PIEZO2: variants seen among roughly 807,000 people sequenced by gnomAD.
PIEZO2 encodes piezo type mechanosensitive ion channel component 2.
In PIEZO2, 172 loss-of-function variants were observed where a neutral mutation model predicts 337.3. The observed-to-expected ratio is 0.51, with a 90% CI of 0.45 to 0.58. The LOEUF is 0.58. Among genes scored for constraint, PIEZO2 ranks in the 20% least tolerant of loss-of-function variants. PIEZO2 has a pLI of 0.00. For missense variants in PIEZO2, 3,028 were observed against 3,391.3 expected (o/e 0.89, Z 2.66); for synonymous variants, 1,251 against 1,228.5 (o/e 1.02, Z -0.38).
rs1281336118 is a variant in PIEZO2, at chr18:10,982,855, G to C, written c.161-3195C>G. Among the ~76,000 whole-genome samples the C allele has an allele frequency of 6.6e-6, 1 of 151,986 alleles. No individual in the cohort carries two copies. Among genetic ancestry groups the C allele is most frequent in the Non-Finnish European group, 1.5e-5 (1 of 68,014 alleles). ...TGTGCCTCAGCCTTCTGAGTAGCTG[G>C]CATTACAGGCGTGCACTACCAAACC... On this transcript the variant is annotated intron_variant, in intron 2 of 55. Transcript: ENST00000674853. The surrounding 1 kb of genome is among the most constrained non-coding windows in gnomAD (Gnocchi z 4.1).
intron 3 of PIEZO2, among the ~76,000 whole-genome samples, chr18:10,920,436 A>G (rs572797561): frequency 6.6e-6 from 1 of 152,294 alleles, no homozygotes; most frequent in South Asian, 2.1e-4. Context: ...AATAGCCTAA[A>G]TATGCAGTAA....
chr18:11,019,124 C>T (rs918714654), intron 2 of PIEZO2, among the ~76,000 whole-genome samples: 1 of 152,302 alleles, frequency 6.6e-6, no homozygotes, highest in Middle Eastern at 3.4e-3. Flanking sequence ...ACTGATGTCT[C>T]CATTGACGTA....
At chr18:11,085,322 T>A (rs2146005924) in intron 1 of PIEZO2, among the ~76,000 whole-genome samples, 1 of 152,194 alleles carries the variant, frequency 6.6e-6, no homozygotes, top group Non-Finnish European at 1.5e-5. Context: ...GGACAACCCA[T>A]CTCTCACGCA....
intron 7 of PIEZO2, among the ~76,000 whole-genome samples, chr18:10,844,631 T>C (rs953136779): frequency 2.0e-5 from 3 of 150,768 alleles, no homozygotes; most frequent in African/African-American, 4.9e-5. Context: ...TACTAAAAAA[T>C]ACAAAAAAAT....
intron 2 of PIEZO2, among the ~76,000 whole-genome samples, chr18:11,055,067 T>C (rs751034407): frequency 6.6e-5 from 10 of 151,810 alleles, no homozygotes; most frequent in South Asian, 4.2e-4. Context: ...AAAAATTAGC[T>C]GGGCGCGGTG....
intron 2 of PIEZO2, among the ~76,000 whole-genome samples, chr18:10,987,654 A>G (rs2034930683): frequency 6.6e-6 from 1 of 152,180 alleles, no homozygotes; most frequent in Admixed American, 6.5e-5. Flanking sequence ...CTTTTTGGTT[A>G]TAACACCAAA....
At chr18:10,770,839 T>A (rs1317519815) in intron 20 of PIEZO2, among the ~76,000 whole-genome samples, 2 of 151,020 alleles carry the variant, frequency 1.3e-5, no homozygotes, top group Non-Finnish European at 2.9e-5. Flanking sequence ...GCCTCTTGAG[T>A]TCAAGCGATT....
At chr18:11,058,649 T>C (rs969131851) in intron 2 of PIEZO2, among the ~76,000 whole-genome samples, 2 of 152,118 alleles carry the variant, frequency 1.3e-5, no homozygotes, top group African/African-American at 4.8e-5. Context: ...AGTAGCCAAT[T>C]TGATCAACTG....
chr18:10,708,974 C>T (rs767233325), intron 39 of PIEZO2, among the ~76,000 whole-genome samples: 2 of 152,106 alleles, frequency 1.3e-5, no homozygotes, highest in African/African-American at 2.4e-5. Context: ...CTGAATTTTG[C>T]ACCCCATTTT....
rs1483074256 is a variant in PIEZO2, at chr18:10,794,551, A to C, written c.1758+221T>G. ...TTTTCTTTGAGTGGAAAACATTGTCATTCCTAAGTAAAAGCTAAATCATGG... is the reference window on the plus strand; with the variant it reads ...TTTTCTTTGAGTGGAAAACATTGTCCTTCCTAAGTAAAAGCTAAATCATGG... On this transcript the variant is annotated intron_variant, in intron 13 of 55. Coordinates refer to ENST00000674853, the MANE Select transcript of PIEZO2 (RefSeq NM_001378183.1). This position sits in a 1 kb window ranked among gnomAD's most constrained non-coding sequence, Gnocchi z 6.6. Among the ~76,000 whole-genome samples, 3 of 152,230 alleles carry C rather than the reference A, an allele frequency of 2.0e-5. No homozygotes were observed. Among genetic ancestry groups the C allele is most frequent in the Non-Finnish European group, 2.9e-5 (2 of 68,038 alleles).
At chr18:10,697,648 A>G in intron 45 of PIEZO2, 100 bp downstream of exon 45, 4 of 1,444,784 alleles carry the variant, frequency 2.8e-6, no homozygotes, top group Non-Finnish European at 2.8e-6. Context: ...CATTTGTGAC[A>G]CGAGAAGTTA....
At position 11,033,977 on chromosome 18, in the gene PIEZO2, G is replaced by A. The variant is rs371336887; in HGVS notation, c.160+32150C>T. On this transcript the variant is annotated intron_variant, in intron 2 of 55. Coordinates refer to ENST00000674853, the MANE Select transcript of PIEZO2 (RefSeq NM_001378183.1). This position sits in a 1 kb window ranked among gnomAD's most constrained non-coding sequence, Gnocchi z 4.2. ...ATGTTGTGCTGATTTGAAACTGAAG[G>A]GGAAAAAAACCCTCAGATTTAAAAA... is the stretch of plus-strand genomic sequence containing the variant. 6.0e-5 allele frequency among the ~76,000 whole-genome samples: 9 copies of A among 151,252 alleles called. No individual in the cohort carries two copies. Among genetic ancestry groups the A allele is most frequent in the South Asian group, 2.1e-4 (1 of 4,740 alleles).
chr18:10,782,238 T>C (rs1251700978), intron 17 of PIEZO2, among the ~76,000 whole-genome samples: 1 of 128,254 alleles, frequency 7.8e-6, no homozygotes, highest in Non-Finnish European at 1.6e-5. Flanking sequence ...TATATGATTA[T>C]ATATTATATG....
rs988279574 is a variant in PIEZO2, at chr18:10,834,962, G to A, written c.917+20391C>T. ...CCCCATGTGAAGGTATTAAGAAGTC[G>A]GGCCTTTGAGGGGCGATTAGGTCAC... On this transcript the variant is annotated intron_variant, in intron 7 of 55. Transcript: ENST00000674853. The surrounding 1 kb of genome is among the most constrained non-coding windows in gnomAD (Gnocchi z 4.5). 6.6e-6 allele frequency among the ~76,000 whole-genome samples: 1 copy of A among 152,112 alleles called. No individual in the cohort carries two copies. The highest frequency in any genetic ancestry group is 2.4e-5 in the African/African-American group (1 of 41,422).
chr18:11,019,013 T>A (rs1199309953), intron 2 of PIEZO2, among the ~76,000 whole-genome samples: 2 of 152,146 alleles, frequency 1.3e-5, no homozygotes, highest in African/African-American at 4.8e-5. Context: ...AGCCTTGATT[T>A]TTTGTGCCCT....
At position 10,897,586 on chromosome 18, in the gene PIEZO2, A is replaced by C. The variant is rs539588466; in HGVS notation, c.329+13600T>G. 1.2e-3 allele frequency among the ~76,000 whole-genome samples: 179 copies of C among 152,218 alleles called. 3 individuals carry two copies. Among genetic ancestry groups the C allele is most frequent in the South Asian group, 6.2e-4 (3 of 4,818 alleles). ...GACGTGCCTTTCACCTTCTGCCATG[A>C]GTGTGGGGCCTCCTCAGCCACGTGG... On this transcript the variant is annotated intron_variant, in intron 4 of 55. Transcript: ENST00000674853.
intron 21 of PIEZO2, 63 bp from the exon 22 acceptor site, chr18:10,763,161 C>G (rs998362092): frequency 1.4e-6 from 2 of 1,465,578 alleles, no homozygotes; most frequent in Non-Finnish European, 1.8e-6. Flanking sequence ...AACAGGACAG[C>G]CACAAAACAG....
intron 1 of PIEZO2, among the ~76,000 whole-genome samples, chr18:11,140,728 T>C (rs191966529): frequency 6.2e-4 from 94 of 152,316 alleles, no homozygotes; most frequent in African/African-American, 2.1e-3. Context: ...CCACTCTCTG[T>C]CATGGCCACA....
intron 1 of PIEZO2, among the ~76,000 whole-genome samples, chr18:11,134,196 G>A (rs1242565556): frequency 6.6e-6 from 1 of 152,186 alleles, no homozygotes; most frequent in East Asian, 1.9e-4. Flanking sequence ...AGGCGGTGGC[G>A]AGGATGCAGG....
Sources: allele counts gnomAD v4.1 joint callset (sites outside exome capture counted in the v4.1 genomes callset), GRCh38; gene constraint gnomAD v4.1.1; non-coding constraint Gnocchi (gnomAD v3.1); transcripts MANE v1.5; gene names NCBI Gene and HGNC (gene_info 2026-07-23, HGNC 2026-07-21).